HPSE2: variants seen among roughly 807,000 people sequenced by gnomAD.
The protein encoded by HPSE2 is inactive heparanase-2.
Under a neutral mutation model 60.5 loss-of-function variants are expected in HPSE2, and 38 were observed. The ratio of observed to expected loss-of-function variants is 0.63; its 90% CI spans 0.48 to 0.82. The LOEUF (loss-of-function observed/expected upper bound fraction) is 0.82. Ranked by LOEUF, HPSE2 falls within the 40% of genes least tolerant of loss-of-function variation. HPSE2 has a pLI of 0.00. For synonymous variants in HPSE2, 295 were observed against 293.2 expected (o/e 1.01, Z -0.06); for missense variants, 713 against 740.4 (o/e 0.96, Z 0.43).
At chr10:98,620,574 TG>T in intron 8 of HPSE2, 27 bp downstream of exon 8, 1 of 1,535,590 alleles carries the variant, frequency 6.5e-7, no homozygotes, top group South Asian at 1.1e-5. Context: ...TGAAAGCCCC[TG>T]GGGGTGAACT....
At chr10:99,268,095 G>A in the HPSE2 span, among the ~76,000 whole-genome samples, 1 of 152,192 alleles carries the variant, frequency 6.6e-6, no homozygotes, top group African/African-American at 2.4e-5. Context: ...CAGAGTAACA[G>A]AGATTTCTCA....
chr10:99,026,411 G>A (rs1317556062), intron 3 of HPSE2, among the ~76,000 whole-genome samples: 1 of 151,918 alleles, frequency 6.6e-6, no homozygotes, highest in African/African-American at 2.4e-5. Flanking sequence ...TTTAGCAAGA[G>A]AACATAAAAA....
chr10:98,463,388 A>C (rs1940388019), intron 11 of HPSE2, among the ~76,000 whole-genome samples: 1 of 152,260 alleles, frequency 6.6e-6, no homozygotes, highest in Non-Finnish European at 1.5e-5. Context: ...GAATTTCATT[A>C]ATATATGCAT....
intron 9 of HPSE2, among the ~76,000 whole-genome samples, chr10:98,522,466 CT>C (rs899578869): frequency 1.3e-5 from 2 of 151,624 alleles, no homozygotes; most frequent in African/African-American, 4.8e-5. Context: ...GTCAGCAAAT[CT>C]TTTTTTTGTT....
chr10:99,015,769 G>T lies in HPSE2; in HGVS notation c.610+128469C>A, dbSNP rs544058235. ...ACCAACATGGCACATGTATACATAT[G>T]TAACTAACCTGCACGTTGTGCACAT... is the stretch of plus-strand genomic sequence containing the variant. On this transcript the variant is annotated intron_variant, in intron 3 of 11. Coordinates refer to ENST00000370552, the MANE Select transcript of HPSE2 (RefSeq NM_021828.5). Among the ~76,000 whole-genome samples the T allele has an allele frequency of 6.9e-4, 105 of 152,178 alleles. 1 individual carries two copies. Among genetic ancestry groups the T allele is most frequent in the African/African-American group, 2.5e-3 (102 of 41,512 alleles).
At chr10:98,989,645 A>C (rs1410783815) in intron 3 of HPSE2, among the ~76,000 whole-genome samples, 2 of 146,416 alleles carry the variant, frequency 1.4e-5, no homozygotes, top group African/African-American at 4.9e-5. Context: ...TTAAAGTATA[A>C]TAAAAAAAAA....
In HPSE2 at chr10:98,640,644, T is replaced by G. The variant is rs571376568; in HGVS notation, c.1098+1203A>C. Among the ~76,000 whole-genome samples, 3 of 152,330 alleles carry G rather than the reference T, an allele frequency of 2.0e-5. No individual in the cohort carries two copies. The South Asian group carries it at 6.2e-4, about 32-fold the overall frequency. On this transcript the variant is annotated intron_variant, in intron 7 of 11. Transcript: ENST00000370552. ...ATTCATCTCATATTTATTGAGGGCC[T>G]ACCTGTTATAATTTTTCTGCAAAGA...
chr10:98,585,950 T>C (rs1224763131), intron 9 of HPSE2, among the ~76,000 whole-genome samples: 4 of 65,654 alleles, frequency 6.1e-5, no homozygotes, highest in African/African-American at 2.3e-4. Context: ...AGACTGTGTC[T>C]CAAAAAAAAA....
At chr10:98,989,716 G>A (rs926247806) in intron 3 of HPSE2, among the ~76,000 whole-genome samples, 7 of 152,076 alleles carry the variant, frequency 4.6e-5, no homozygotes, top group South Asian at 4.1e-4. Context: ...TCCATGTGGC[G>A]AAGCAGTTTT....
intron 3 of HPSE2, among the ~76,000 whole-genome samples, chr10:99,073,589 A>G (rs1589612668): frequency 6.6e-6 from 1 of 152,192 alleles, no homozygotes; most frequent in Non-Finnish European, 1.5e-5. Context: ...GTTTACCTAT[A>G]TAACAAACCT....
intron 3 of HPSE2, among the ~76,000 whole-genome samples, chr10:98,788,607 C>T (rs183978874): frequency 3.9e-5 from 6 of 152,276 alleles, no homozygotes; most frequent in Admixed American, 2.0e-4. Context: ...ATTCCGTGGG[C>T]GTAGGACCCT....
chr10:98,744,441 C>T (rs566593862), intron 3 of HPSE2, among the ~76,000 whole-genome samples: 5 of 151,948 alleles, frequency 3.3e-5, no homozygotes, highest in Non-Finnish European at 5.9e-5. Context: ...GCAGGAGAAT[C>T]GCTTGAACCT....
chr10:98,820,636 T>C (rs1261844038), intron 3 of HPSE2, among the ~76,000 whole-genome samples: 1 of 152,158 alleles, frequency 6.6e-6, no homozygotes, highest in Non-Finnish European at 1.5e-5. Flanking sequence ...AATCATCAGC[T>C]CTCTTTCTTC....
At chr10:99,066,177 T>G (rs971995530) in intron 3 of HPSE2, among the ~76,000 whole-genome samples, 1 of 152,226 alleles carries the variant, frequency 6.6e-6, no homozygotes, top group Non-Finnish European at 1.5e-5. Flanking sequence ...AATATCTGGA[T>G]AGTCTCTGCC....
intron 3 of HPSE2, among the ~76,000 whole-genome samples, chr10:98,923,337 A>G (rs1374235369): frequency 6.6e-6 from 1 of 152,104 alleles, no homozygotes; most frequent in Non-Finnish European, 1.5e-5. Context: ...ATCCTTGGCC[A>G]CTGGGAGTTT....
chr10:99,239,645 G>A (rs1207599999), upstream of HPSE2, among the ~76,000 whole-genome samples: 1 of 151,512 alleles, frequency 6.6e-6, no homozygotes, highest in African/African-American at 2.4e-5. Flanking sequence ...GCCTAGGCTG[G>A]TCTCAAACTC....
At chr10:98,692,564 C>T (rs1282502940) in intron 6 of HPSE2, among the ~76,000 whole-genome samples, 1 of 152,046 alleles carries the variant, frequency 6.6e-6, no homozygotes, top group Non-Finnish European at 1.5e-5. Context: ...GTCAGGAGAT[C>T]AAGACCATCC....
intron 9 of HPSE2, among the ~76,000 whole-genome samples, chr10:98,562,655 C>G (rs1944222712): frequency 7.1e-6 from 1 of 141,776 alleles, no homozygotes; most frequent in South Asian, 2.2e-4. Flanking sequence ...ACAGAACTTG[C>G]AGTGAGCCGA....
At chr10:99,084,327 T>C (rs2135581083) in intron 3 of HPSE2, among the ~76,000 whole-genome samples, 1 of 150,744 alleles carries the variant, frequency 6.6e-6, no homozygotes, top group South Asian at 2.1e-4. Context: ...CAGGTTCTTT[T>C]TTTTCCCCTA....
Sources: gnomAD v4.1 joint callset for allele counts (sites outside exome capture counted in the v4.1 genomes callset) on GRCh38, gnomAD v4.1.1 for gene constraint, MANE v1.5 for transcripts, NCBI Gene and HGNC (gene_info 2026-07-23, HGNC 2026-07-21) for gene names.